Variants in ZNF423 observed in about 807,000 individuals in gnomAD.
The protein encoded by ZNF423 is Ebf-associated zinc finger protein.
Under a neutral mutation model 95.8 loss-of-function variants are expected in ZNF423, and 12 were observed. The observed-to-expected ratio is 0.13, with a 90% CI of 0.08 to 0.20. The LOEUF (loss-of-function observed/expected upper bound fraction) is 0.20. Ranked by LOEUF, ZNF423 falls within the 10% of genes least tolerant of loss-of-function variation. The probability of loss-of-function intolerance (pLI) is 1.00; values close to 1 mark genes in which losing one functional copy is unlikely to be tolerated. For synonymous variants in ZNF423, 749 were observed against 711.9 expected, an observed-to-expected ratio of 1.05 and a Z score of -0.83; for missense variants, 1,316 against 1,737.1, an observed-to-expected ratio of 0.76 and a Z score of 4.31.
At chr16:49,848,487 G>A (rs888404611) in intron 1 of ZNF423, among the ~76,000 whole-genome samples, 8 of 151,908 alleles carry the variant, frequency 5.3e-5, no homozygotes, top group Non-Finnish European at 8.8e-5. Context: ...ACAAACCCTC[G>A]AGAAGCACAA....
chr16:49,597,450 A>G (rs1971217836), intron 5 of ZNF423, among the ~76,000 whole-genome samples: 2 of 152,256 alleles, frequency 1.3e-5, no homozygotes, highest in Non-Finnish European at 2.9e-5. Flanking sequence ...TAAGTTGATT[A>G]TATGGTACCA....
chr16:49,684,020 G>C (rs904162103), intron 3 of ZNF423, among the ~76,000 whole-genome samples: 2 of 152,210 alleles, frequency 1.3e-5, no homozygotes, highest in African/African-American at 4.8e-5. Context: ...GCAGTGAGCT[G>C]TGATTGTGCC....
At chr16:49,786,243 T>C (rs1175116190) in intron 2 of ZNF423, among the ~76,000 whole-genome samples, 2 of 152,152 alleles carry the variant, frequency 1.3e-5, no homozygotes, top group Admixed American at 6.5e-5. Flanking sequence ...GGGCCCCCGC[T>C]CGAGGGCACG....
intron 2 of ZNF423, among the ~76,000 whole-genome samples, chr16:49,767,732 G>A (rs919441186): frequency 4.6e-5 from 7 of 152,104 alleles, no homozygotes; most frequent in East Asian, 3.9e-4. Flanking sequence ...ACACAGCATC[G>A]AGGACAACAT....
At chr16:49,806,173 G>A (rs536063352) in intron 1 of ZNF423, among the ~76,000 whole-genome samples, 18 of 152,356 alleles carry the variant, frequency 1.2e-4, no homozygotes, top group African/African-American at 3.6e-4. Flanking sequence ...CTGGGCTCTC[G>A]CCCACCAGCT....
intron 1 of ZNF423, chr16:49,854,465 C>T: frequency 2.0e-6 from 2 of 985,452 alleles, no homozygotes; most frequent in East Asian, 1.1e-4. Flanking sequence ...CCTTCCCGCG[C>T]AGGCCTCCAG....
At position 49,637,621 on chromosome 16, in the gene ZNF423, A is replaced by C. The variant is rs1319913943; in HGVS notation, c.1555T>G (p.Ser519Ala). Residue 519 changes from serine to alanine, a missense_variant, in exon 4 of 8, where the codon TCT becomes GCT. Coordinates refer to ENST00000563137, the MANE Select transcript of ZNF423 (RefSeq NM_001379286.1). This position sits in a 1 kb window ranked among gnomAD's most constrained non-coding sequence, Gnocchi z 5.6. ...CAGAAGAAAGCATTATTACCGTCAG[A>C]GGGGTTGGCGTTGGGGCCGCAGTGG... ...VSHCGPNANP[S>A]DGNNAFFCNQ... The C allele has an allele frequency of 6.2e-7, 1 of 1,613,916 alleles. No individual in the cohort carries two copies. The highest frequency in any genetic ancestry group is 1.6e-4 in the Middle Eastern group (1 of 6,062).
At chr16:49,604,061 T>C (rs1275189844) in intron 5 of ZNF423, among the ~76,000 whole-genome samples, 2 of 152,192 alleles carry the variant, frequency 1.3e-5, no homozygotes, top group Non-Finnish European at 2.9e-5. Context: ...GTGTCTGAGC[T>C]GCAAGAACAG....
At chr16:49,535,647 T>C in intron 5 of ZNF423, among the ~76,000 whole-genome samples, 1 of 152,108 alleles carries the variant, frequency 6.6e-6, no homozygotes, top group East Asian at 1.9e-4. Context: ...ACTCAGAACT[T>C]CTCTGCCTGC....
At chr16:49,731,010 G>T in intron 2 of ZNF423, 39 bp from the exon 3 acceptor site, 2 of 1,602,850 alleles carry the variant, frequency 1.2e-6, no homozygotes, top group Non-Finnish European at 1.7e-6. Flanking sequence ...CAGCTGATGG[G>T]GTCTTGGGAA....
intron 2 of ZNF423, among the ~76,000 whole-genome samples, chr16:49,755,513 C>G (rs977355932): frequency 1.3e-5 from 2 of 152,072 alleles, no homozygotes; most frequent in African/African-American, 4.8e-5. Flanking sequence ...GACCCTCTTT[C>G]GCTAATGAAA....
At chr16:49,819,035 C>T (rs371408515) in intron 1 of ZNF423, among the ~76,000 whole-genome samples, 10 of 151,820 alleles carry the variant, frequency 6.6e-5, no homozygotes, top group Non-Finnish European at 1.2e-4. Context: ...CGGTGGATTA[C>T]GAGGTCAAGA....
chr16:49,767,394 C>T (rs2143684178), intron 2 of ZNF423, among the ~76,000 whole-genome samples: 1 of 152,266 alleles, frequency 6.6e-6, no homozygotes, highest in East Asian at 1.9e-4. Flanking sequence ...TTGTTCCCAG[C>T]CAAGAGGCTG....
chr16:49,801,587 C>T (rs897427435), intron 1 of ZNF423, among the ~76,000 whole-genome samples: 6 of 152,154 alleles, frequency 3.9e-5, no homozygotes, highest in Non-Finnish European at 7.3e-5. Flanking sequence ...AATATAGTTT[C>T]CAGACCAGCA....
intron 7 of ZNF423, among the ~76,000 whole-genome samples, chr16:49,506,286 T>C (rs1567430088): frequency 6.6e-6 from 1 of 151,400 alleles, no homozygotes; most frequent in Non-Finnish European, 1.5e-5. Flanking sequence ...AAATGATGGA[T>C]AGGTGGGTAG....
intron 4 of ZNF423, among the ~76,000 whole-genome samples, chr16:49,627,493 T>A (rs561779514): frequency 7.3e-6 from 1 of 137,624 alleles, no homozygotes; most frequent in East Asian, 2.4e-4. Context: ...TTCATCTGTC[T>A]ATATACATAC....
At chr16:49,807,873 C>T (rs547435906) in intron 1 of ZNF423, among the ~76,000 whole-genome samples, 317 of 152,300 alleles carry the variant, frequency 2.1e-3, no homozygotes, top group African/African-American at 7.2e-3. Flanking sequence ...GTCCCTGCCC[C>T]GGGGCTGGCA....
chr16:49,624,278 T>C (rs1398634299), intron 5 of ZNF423, among the ~76,000 whole-genome samples: 1 of 152,120 alleles, frequency 6.6e-6, no homozygotes, highest in Non-Finnish European at 1.5e-5. Context: ...GGGCCAGGTA[T>C]GGTGACTCAT....
At chr16:49,621,408 G>A (rs1972076374) in intron 5 of ZNF423, among the ~76,000 whole-genome samples, 1 of 152,160 alleles carries the variant, frequency 6.6e-6, no homozygotes. Flanking sequence ...GAGGGGTGCT[G>A]GGAAAATGTT....
Sources: allele counts gnomAD v4.1 joint callset (sites outside exome capture counted in the v4.1 genomes callset), GRCh38; gene constraint gnomAD v4.1.1; non-coding constraint Gnocchi (gnomAD v3.1); transcripts MANE v1.5; gene names NCBI Gene and HGNC (gene_info 2026-07-23, HGNC 2026-07-21).